Variants in MAPK12 observed in about 807,000 individuals in gnomAD.
The protein encoded by MAPK12 is mitogen-activated protein kinase 12.
Under a neutral mutation model 49.1 loss-of-function variants are expected in MAPK12, and 49 were observed. The observed-to-expected ratio is 1.00, with a 90% CI of 0.79 to 1.27. The LOEUF (loss-of-function observed/expected upper bound fraction) is 1.27, where lower values mean the gene tolerates loss of function less well. Ranked by LOEUF, MAPK12 falls within the 50% of genes most tolerant of loss-of-function variation. MAPK12 has a pLI of 0.00. For missense variants in MAPK12, 554 were observed against 502.4 expected, an observed-to-expected ratio of 1.10 and a Z score of -0.98; for synonymous variants, 251 against 209.7, an observed-to-expected ratio of 1.20 and a Z score of -1.70.
intron 2 of MAPK12, 68 bp downstream of exon 2, chr22:50,261,099 G>C: frequency 6.9e-7 from 1 of 1,445,412 alleles, no homozygotes; most frequent in Non-Finnish European, 9.2e-7. Flanking sequence ...TGCCGGGTGG[G>C]GGAACCCAGC....
rs367576600 is a variant in MAPK12, at chr22:50,255,307, G to A, written c.914C>T (p.Ala305Val). The A allele has an allele frequency of 1.2e-5, 20 of 1,613,286 alleles. No homozygotes were observed. Among genetic ancestry groups the A allele is most frequent in the South Asian group, 3.3e-5 (3 of 91,094 alleles). ...DAEQRVTAGEALAHPYFESLH... is the reference protein window; with the variant it reads ...DAEQRVTAGEVLAHPYFESLH... ...GGACTCGAAGTAGGGATGGGCCAGC[G>A]CCTCGCCTGCCGTCACCCGCTGCTC... is the stretch of plus-strand genomic sequence containing the variant. Residue 305 changes from alanine to valine, a missense_variant, in exon 11 of 12, where the codon GCG (alanine) becomes GTG (valine). Coordinates refer to ENST00000215659, the MANE Select transcript of MAPK12 (RefSeq NM_002969.6).
chr22:50,255,583 C>T lies in MAPK12; in HGVS notation c.771+32G>A, dbSNP rs772497051. On this transcript the variant is annotated intron_variant, in intron 9 of 11. Coordinates refer to ENST00000215659, the MANE Select transcript of MAPK12 (RefSeq NM_002969.6). ...CAACACCAAGGCCCAGGTCCGCCCC[C>T]ACCCCCACCCAGCTCCCCACTCACC... 4 of 1,604,734 alleles carry T rather than the reference C, an allele frequency of 2.5e-6. No individual in the cohort carries two copies. In the East Asian group the frequency reaches 6.7e-5, roughly 27 times the overall value.
chr22:50,258,064 C>G, intron 3 of MAPK12, 179 bp downstream of exon 3: 1 of 725,754 alleles, frequency 1.4e-6, no homozygotes, highest in Non-Finnish European at 2.5e-6. Context: ...GCCCGTGGGT[C>G]CCAGGACCAT....
Position 50,253,229 on chromosome 22 carries a change from C to T in MAPK12, c.*172G>A, listed in dbSNP as rs374298606. 4.5e-5 allele frequency: 30 copies of T among 660,450 alleles called. 1 individual carries two copies. Among genetic ancestry groups the T allele is most frequent in the South Asian group, 1.2e-4 (7 of 60,670 alleles). 40.9% of individuals were successfully genotyped at this position (660,450 alleles called of 1,614,324 possible). ...AGTTCAGGTGCTCCTCCATGATGGG[C>T]GCCCAAGAGCAGAGGCATGGCCGTG... On this transcript the variant is annotated 3_prime_UTR_variant, in exon 12 of 12. Transcript: ENST00000215659.
chr22:50,261,191 C>T lies in MAPK12; in HGVS notation c.231G>A (p.Leu77=), dbSNP rs757836225. 2.5e-6 allele frequency: 4 copies of T among 1,592,490 alleles called. No homozygotes were observed. In the South Asian group the frequency reaches 3.4e-5, roughly 14 times the overall value. The change falls in exon 2 of 12, where the codon CTG becomes CTA. Residue 77 remains leucine (L), a synonymous_variant. Coordinates refer to ENST00000215659, the MANE Select transcript of MAPK12 (RefSeq NM_002969.6). ...FAKRAYRELR[L]LKHMRHENVI... ...CGTTCTCGTGGCGCATGTGCTTGAGCAGGCGCAGCTCGCGGTAGGCGCGCT... is the reference window on the plus strand; with the variant it reads ...CGTTCTCGTGGCGCATGTGCTTGAGTAGGCGCAGCTCGCGGTAGGCGCGCT...
At chr22:50,254,789 G>T in intron 11 of MAPK12, 7 of 1,143,230 alleles carry the variant, frequency 6.1e-6, no homozygotes, top group Non-Finnish European at 7.6e-6. Flanking sequence ...AGGGCAGCAG[G>T]TCTGGGGGCC....
chr22:50,255,451 A>T lies in MAPK12; in HGVS notation c.850+2T>A. The T allele has an allele frequency of 6.2e-7, 1 of 1,613,096 alleles. No homozygotes were observed. Among genetic ancestry groups the T allele is most frequent in the Non-Finnish European group, 8.5e-7 (1 of 1,180,002 alleles). ...GGTGGCCCCCACACTAGCCAGCCGTACCCAGAGGGCTTGCATTGGTCAGGA... is the reference window on the plus strand; with the variant it reads ...GGTGGCCCCCACACTAGCCAGCCGTTCCCAGAGGGCTTGCATTGGTCAGGA... On this transcript the variant is annotated splice_donor_variant, in intron 10 of 11. Coordinates refer to ENST00000215659, the MANE Select transcript of MAPK12 (RefSeq NM_002969.6). LOFTEE classifies it high-confidence loss of function.
rs1332658541 is a variant in MAPK12, at chr22:50,257,204, G to A, written c.315-11C>T. On this transcript the variant is annotated splice_polypyrimidine_tract_variant and intron_variant, in intron 3 of 11. Transcript: ENST00000215659. Reference sequence around the variant, plus strand: ...GGCATCACCAGGTAACTGTGGGAGGGGCCGGAGCGCTGTCAGCGGACAGAG... The same window carrying A: ...GGCATCACCAGGTAACTGTGGGAGGAGCCGGAGCGCTGTCAGCGGACAGAG... The A allele has an allele frequency of 2.5e-6, 4 of 1,605,438 alleles. No individual in the cohort carries two copies. The East Asian group carries it at 6.7e-5, about 27-fold the overall frequency.
chr22:50,261,238 A>C lies in MAPK12; in HGVS notation c.184T>G (p.Phe62Val). Residue 62 changes from phenylalanine to valine, a missense_variant, in exon 2 of 12, where the codon TTC (phenylalanine) becomes GTC (valine). By Grantham distance (50) the Phe-to-Val change is conservative. Coordinates refer to ENST00000215659, the MANE Select transcript of MAPK12 (RefSeq NM_002969.6). ...CGCTTGGCGAACAGCTCGGACTGGAAAGGCCGATACAGCTTCTTGATGGCC... is the reference window on the plus strand; with the variant it reads ...CGCTTGGCGAACAGCTCGGACTGGACAGGCCGATACAGCTTCTTGATGGCC... Reference protein sequence around the residue: ...KVAIKKLYRPFQSELFAKRAY... With the variant: ...KVAIKKLYRPVQSELFAKRAY... The C allele has an allele frequency of 1.3e-6, 2 of 1,582,890 alleles. No individual in the cohort carries two copies. The highest frequency in any genetic ancestry group is 1.7e-6 in the Non-Finnish European group (2 of 1,166,150).
At chr22:50,256,854 C>A in intron 5 of MAPK12, 81 bp downstream of exon 5, 1 of 1,563,390 alleles carries the variant, frequency 6.4e-7, no homozygotes. Context: ...CAGACCCCAT[C>A]ACATCCTCAC....
chr22:50,253,502 G>GGGGGGCCCCCCCCCCCCCC, intron 11 of MAPK12, 22 bp from the exon 12 acceptor site: 2 of 171,658 alleles, frequency 1.2e-5, no homozygotes, highest in Non-Finnish European at 1.1e-5. Context: ...GGGGGGGCGG[G>GGGGGGCCCCCCCCCCCCCC]CACAACAGAG....
At chr22:50,255,720 C>T (rs372241388) in intron 8 of MAPK12, 26 bp from the exon 9 acceptor site, 105 of 1,609,534 alleles carry the variant, frequency 6.5e-5, no homozygotes, top group Non-Finnish European at 7.9e-5. Flanking sequence ...GAACACAGCT[C>T]GGGGGCCAGA....
At chr22:50,254,639 G>A in intron 11 of MAPK12, 4 of 1,010,934 alleles carry the variant, frequency 4.0e-6, no homozygotes, top group Non-Finnish European at 4.7e-6. Flanking sequence ...GCATCAGAGT[G>A]AGACTCCGTC....
chr22:50,258,705 G>A (rs753002675), intron 2 of MAPK12, among the ~76,000 whole-genome samples: 2 of 152,270 alleles, frequency 1.3e-5, no homozygotes, highest in Non-Finnish European at 2.9e-5. Flanking sequence ...CTCTGCTGGT[G>A]AGGCCCAGGC....
At position 50,255,508 on chromosome 22, in the gene MAPK12, G is replaced by A; in HGVS notation, c.795C>T (p.Leu265=). 1 of 1,613,192 alleles carries A rather than the reference G, an allele frequency of 6.2e-7. No individual in the cohort carries two copies. Among genetic ancestry groups the A allele is most frequent in the African/African-American group, 1.3e-5 (1 of 75,054 alleles). ...SDEAKNYMKG[L]PELEKKDFAS... is the part of the protein sequence containing the mutation. ...CAAAATCCTTCTTCTCCAATTCGGG[G>A]AGGCCCTTCATGTAGTTCTTGGCCT... The change falls in exon 10 of 12, where the codon CTC becomes CTT. Residue 265 remains leucine (L), a synonymous_variant. Transcript: ENST00000215659.
chr22:50,257,221 C>T (rs770765697), intron 3 of MAPK12, 28 bp from the exon 4 acceptor site: 6 of 1,573,774 alleles, frequency 3.8e-6, no homozygotes, highest in Non-Finnish European at 1.7e-6. Context: ...GCGCTGTCAG[C>T]GGACAGAGCC....
chr22:50,253,498 G>C lies in MAPK12; in HGVS notation c.1025-18C>G. 3 of 466,286 alleles carry C rather than the reference G, an allele frequency of 6.4e-6. No individual in the cohort carries two copies. The highest frequency in any genetic ancestry group is 2.1e-5 in the African/African-American group (1 of 47,190). The allele number at this position is 466,286 out of a possible 1,614,324, so 28.9% of individuals were successfully genotyped here. A position where few individuals can be genotyped will look rare whatever the true frequency, so the allele number is the denominator to read the frequency against. ...AGTAACACCTGGCGGGGGTGGGGGG[G>C]CGGGCACAACAGAGAGGGGGGTCAG... On this transcript the variant is annotated intron_variant, in intron 11 of 11. Transcript: ENST00000215659.
In MAPK12 at chr22:50,255,633, C is replaced by T. The variant is rs769955066; in HGVS notation, c.753G>A (p.Gln251=). The change falls in exon 9 of 12, where the codon CAG becomes CAA. Residue 251 remains glutamine (Q), a synonymous_variant. Transcript: ENST00000215659. ...CCCTTACCTCATCGCTCTGCAGCCG[C>T]TGCACAAACTCAGCCGGAGGCGTCC... The part of the protein sequence containing the change: ...VTGTPPAEFV[Q]RLQSDEAKNY... 6 of 1,611,570 alleles carry T rather than the reference C, an allele frequency of 3.7e-6. No homozygotes were observed. The South Asian group carries it at 6.6e-5, about 18-fold the overall frequency.
rs943591566 is a variant in MAPK12, at chr22:50,255,795, G to A, written c.691+15C>T. 1 of 1,612,478 alleles carries A rather than the reference G, an allele frequency of 6.2e-7. No individual in the cohort carries two copies. Among genetic ancestry groups the A allele is most frequent in the Non-Finnish European group, 8.5e-7 (1 of 1,179,978 alleles). On this transcript the variant is annotated intron_variant, in intron 8 of 11. Coordinates refer to ENST00000215659, the MANE Select transcript of MAPK12 (RefSeq NM_002969.6). Reference sequence around the variant, plus strand: ...CCCCACCCGCCCCTGGTGCCGCCCTGCGGCTGGAGGATACGGTCGCTGCCC... The same window carrying A: ...CCCCACCCGCCCCTGGTGCCGCCCTACGGCTGGAGGATACGGTCGCTGCCC...
Sources: allele counts gnomAD v4.1 joint callset (sites outside exome capture counted in the v4.1 genomes callset), GRCh38; gene constraint gnomAD v4.1.1; transcripts MANE v1.5; gene names NCBI Gene and HGNC (gene_info 2026-07-23, HGNC 2026-07-21).